The following FRMD6 variants were observed in gnomAD, a reference collection of about 807,000 sequenced individuals.
FRMD6 encodes FERM domain-containing protein 6.
A neutral mutation model predicts 73.2 loss-of-function variants in FRMD6; 37 were observed. That is an observed-to-expected ratio of 0.51 (90% CI 0.39 to 0.66). FRMD6 has a LOEUF of 0.66. Among genes scored for constraint, FRMD6 ranks in the 30% least tolerant of loss-of-function variants. The pLI, the probability that FRMD6 is intolerant of heterozygous loss-of-function variation, is 0.00. For missense variants in FRMD6, 714 were observed against 780.5 expected, an observed-to-expected ratio of 0.91 and a Z score of 1.02; for synonymous variants, 273 against 282.2, an observed-to-expected ratio of 0.97 and a Z score of 0.33.
chr14:51,690,774 T>C (rs1474023775), intron 2 of FRMD6, among the ~76,000 whole-genome samples: 1 of 152,170 alleles, frequency 6.6e-6, no homozygotes, highest in Non-Finnish European at 1.5e-5. Context: ...GGCTGAACAT[T>C]TGAGCACTAA....
At chr14:51,575,097 G>A (rs2139617286) in intron 2 of FRMD6, among the ~76,000 whole-genome samples, 1 of 152,258 alleles carries the variant, frequency 6.6e-6, no homozygotes, top group East Asian at 1.9e-4. Flanking sequence ...CCACTTTTAT[G>A]CCTAGAGAGA....
At chr14:51,519,976 T>A (rs1884854035) in intron 1 of FRMD6, among the ~76,000 whole-genome samples, 1 of 152,164 alleles carries the variant, frequency 6.6e-6, no homozygotes, top group Admixed American at 6.5e-5. Flanking sequence ...CATTGTGCCC[T>A]AAGGAATGGT....
chr14:51,489,036 T>C (rs1882848773), upstream of FRMD6: 1 of 152,196 alleles, frequency 6.6e-6, no homozygotes, highest in Admixed American at 6.5e-5. Context: ...GCCCAAAAAG[T>C]TATGTCTGCT....
rs147635453 is a variant in FRMD6, at chr14:51,658,475, C to T, written c.-147+6479C>T. On this transcript the variant is annotated intron_variant, in intron 1 of 13. Transcript: ENST00000344768. ...CCCTAATTTCAAAGGACTGCTTTGT[C>T]AATATTTTTGGAATAATTCATCCTT... is the stretch of plus-strand genomic sequence containing the variant. 5.5e-4 allele frequency among the ~76,000 whole-genome samples: 84 copies of T among 152,264 alleles called. 2 individuals carry two copies. In the East Asian group the frequency reaches 0.013, roughly 24 times the overall value.
intron 2 of FRMD6, among the ~76,000 whole-genome samples, chr14:51,605,472 G>A (rs898981707): frequency 2.0e-5 from 3 of 152,150 alleles, no homozygotes; most frequent in East Asian, 1.9e-4. Context: ...ATAAGGGAAA[G>A]AAATCATTCT....
intron 1 of FRMD6, among the ~76,000 whole-genome samples, chr14:51,564,614 T>A (rs1887675770): frequency 1.3e-5 from 2 of 152,138 alleles, no homozygotes; most frequent in Admixed American, 1.3e-4. Context: ...TTAAAGGATA[T>A]AATTAACAAT....
At chr14:51,593,360 A>C (rs931270181) in intron 2 of FRMD6, among the ~76,000 whole-genome samples, 1 of 152,250 alleles carries the variant, frequency 6.6e-6, no homozygotes, top group African/African-American at 2.4e-5. Flanking sequence ...GAAGAATGTG[A>C]ATAAGTGGAA....
At chr14:51,410,490 C>T in the FRMD6 span, among the ~76,000 whole-genome samples, 1 of 152,186 alleles carries the variant, frequency 6.6e-6, no homozygotes, top group Admixed American at 6.5e-5. Flanking sequence ...CAATTATTCT[C>T]TTAGGAGAAG....
rs74052694 is a variant in FRMD6, at chr14:51,712,288, C to T, written c.781-195C>T. Among the ~76,000 whole-genome samples, 372 of 152,318 alleles carry T rather than the reference C, an allele frequency of 2.4e-3. 3 individuals are homozygous for T. Among genetic ancestry groups the T allele is most frequent in the African/African-American group, 8.6e-3 (358 of 41,572 alleles). Reference sequence around the variant, plus strand: ...ATTGCCTTAAAAGGGTTAGTTAATACAGTCACACAGGAACCAAAAGCCACA... The same window carrying T: ...ATTGCCTTAAAAGGGTTAGTTAATATAGTCACACAGGAACCAAAAGCCACA... On this transcript the variant is annotated intron_variant, in intron 8 of 13. Transcript: ENST00000344768.
chr14:51,506,408 G>A (rs1184892043), intron 1 of FRMD6, among the ~76,000 whole-genome samples: 1 of 152,194 alleles, frequency 6.6e-6, no homozygotes, highest in Non-Finnish European at 1.5e-5. Flanking sequence ...GAGGATACTG[G>A]CGAAAAGAGG....
rs11389733 is a variant in FRMD6, at chr14:51,605,139, C to CTT, written c.-147+34747_-147+34748dup. The stretch of plus-strand genomic sequence containing the variant: ...ATGCTATTTACTTCTCTGCAGGTTT[C>CTT]TTTTTTTTTTTTTTTTTTTATTGAT... On this transcript the variant is annotated intron_variant, in intron 2 of 14. Transcript: ENST00000356218. Among the ~76,000 whole-genome samples the CTT allele has an allele frequency of 7.9e-3, 943 of 119,500 alleles. 22 individuals carry two copies. Among genetic ancestry groups the CTT allele is most frequent in the East Asian group, 0.063 (251 of 4,000 alleles). 78.4% of individuals were successfully genotyped at this position (119,500 alleles called of 152,430 possible). A position where few individuals can be genotyped will look rare whatever the true frequency, so the allele number is the denominator to read the frequency against.
At chr14:51,704,214 C>A (rs1233341072) in intron 5 of FRMD6, among the ~76,000 whole-genome samples, 1 of 151,996 alleles carries the variant, frequency 6.6e-6, no homozygotes, top group Non-Finnish European at 1.5e-5. Context: ...GAAAAGAAAC[C>A]TTTGTTAAGC....
chr14:51,702,251 G>A (rs964411111), intron 4 of FRMD6, among the ~76,000 whole-genome samples: 6 of 151,964 alleles, frequency 3.9e-5, no homozygotes, highest in Admixed American at 1.3e-4. Flanking sequence ...CTTCCCTTAT[G>A]TTGTCATTGG....
chr14:51,608,668 T>A (rs1333886724), intron 2 of FRMD6, among the ~76,000 whole-genome samples: 1 of 152,170 alleles, frequency 6.6e-6, no homozygotes, highest in African/African-American at 2.4e-5. Context: ...CCCAGGGATA[T>A]ACCCTCATTC....
intron 2 of FRMD6, among the ~76,000 whole-genome samples, chr14:51,690,781 C>G (rs1895507533): frequency 6.6e-6 from 1 of 152,128 alleles, no homozygotes; most frequent in African/African-American, 2.4e-5. Flanking sequence ...CATTTGAGCA[C>G]TAAGCTGTTG....
intron 2 of FRMD6, among the ~76,000 whole-genome samples, chr14:51,610,836 T>C (rs10140647): frequency 0.042 from 6,358 of 152,270 alleles, 158 homozygotes; most frequent in African/African-American, 0.06. Context: ...GGTGTTTGTT[T>C]TTTCAGTGGT....
At chr14:51,673,197 C>T (rs1894147406) in intron 1 of FRMD6, among the ~76,000 whole-genome samples, 1 of 151,996 alleles carries the variant, frequency 6.6e-6, no homozygotes, top group Non-Finnish European at 1.5e-5. Flanking sequence ...CTATGCCCAG[C>T]TCTATGTGAG....
At chr14:51,397,678 C>T in the FRMD6 span, among the ~76,000 whole-genome samples, 1 of 152,184 alleles carries the variant, frequency 6.6e-6, no homozygotes, top group South Asian at 2.1e-4. Context: ...AATCTAAAAT[C>T]CTCCAAAATC....
intron 3 of FRMD6, among the ~76,000 whole-genome samples, chr14:51,700,709 A>G (rs904165156): frequency 1.3e-5 from 2 of 151,994 alleles, no homozygotes; most frequent in Non-Finnish European, 2.9e-5. Context: ...GAACAAAAGC[A>G]TGTTTTCCTA....
Sources: gnomAD v4.1 joint callset for allele counts (sites outside exome capture counted in the v4.1 genomes callset) on GRCh38, gnomAD v4.1.1 for gene constraint, MANE v1.5 for transcripts, NCBI Gene and HGNC (gene_info 2026-07-23, HGNC 2026-07-21) for gene names.